CADPS2: variants seen among roughly 807,000 people sequenced by gnomAD.
CADPS2 encodes calcium-dependent secretion activator 2.
In CADPS2, 93 loss-of-function variants were observed where a neutral mutation model predicts 172.5. The ratio of observed to expected loss-of-function variants is 0.54; its 90% CI spans 0.46 to 0.64. The LOEUF (loss-of-function observed/expected upper bound fraction) is 0.64, where lower values mean the gene tolerates loss of function less well. Among genes scored for constraint, CADPS2 ranks in the 30% least tolerant of loss-of-function variants. CADPS2 has a pLI of 0.00. For missense variants in CADPS2, 1,420 were observed against 1,565.9 expected, an observed-to-expected ratio of 0.91 and a Z score of 1.57; for synonymous variants, 546 against 555.2, an observed-to-expected ratio of 0.98 and a Z score of 0.23.
chr7:122,473,304 T>A (rs2056214920), intron 13 of CADPS2, among the ~76,000 whole-genome samples: 1 of 152,138 alleles, frequency 6.6e-6, no homozygotes, highest in Non-Finnish European at 1.5e-5. Flanking sequence ...ACTTTCCTTT[T>A]TCTGTCTATA....
chr7:122,537,415 C>T (rs1192371329), intron 8 of CADPS2, among the ~76,000 whole-genome samples: 1 of 151,082 alleles, frequency 6.6e-6, no homozygotes, highest in Non-Finnish European at 1.5e-5. Context: ...CTTTCTTATG[C>T]TAATAGAGAA....
intron 20 of CADPS2, among the ~76,000 whole-genome samples, chr7:122,400,221 A>G (rs1021705009): frequency 1.3e-4 from 20 of 151,830 alleles, no homozygotes; most frequent in Non-Finnish European, 2.8e-4. Context: ...GGATCACTTG[A>G]GGTCAGGAGT....
intron 6 of CADPS2, among the ~76,000 whole-genome samples, chr7:122,590,030 G>A (rs1260552425): frequency 1.3e-5 from 2 of 151,768 alleles, no homozygotes; most frequent in Admixed American, 6.6e-5. Context: ...TAAGATGTTT[G>A]CACTATGCAA....
chr7:122,823,054 ATAAT>A (rs1179679278), intron 1 of CADPS2, among the ~76,000 whole-genome samples: 1 of 152,184 alleles, frequency 6.6e-6, no homozygotes, highest in Non-Finnish European at 1.5e-5. Context: ...TATTTCTCTG[ATAAT>A]TAGTGATGTT....
chr7:122,688,073 A>G (rs1335369549), intron 2 of CADPS2, among the ~76,000 whole-genome samples: 1 of 152,218 alleles, frequency 6.6e-6, no homozygotes, highest in Non-Finnish European at 1.5e-5. Context: ...GAATGTCATT[A>G]TTATAACATA....
At chr7:122,651,629 A>C (rs2079154385) in intron 3 of CADPS2, among the ~76,000 whole-genome samples, 1 of 152,158 alleles carries the variant, frequency 6.6e-6, no homozygotes, top group African/African-American at 2.4e-5. Context: ...AGACATGAAG[A>C]ATTTGAGTGG....
intron 9 of CADPS2, among the ~76,000 whole-genome samples, chr7:122,495,854 G>A (rs962804593): frequency 2.0e-5 from 3 of 152,006 alleles, no homozygotes; most frequent in African/African-American, 7.3e-5. Context: ...TTTGATGGGT[G>A]GGAAGTGGTA....
At chr7:122,492,697 TTTTTTC>T (rs1285434715) in intron 9 of CADPS2, among the ~76,000 whole-genome samples, 1 of 151,882 alleles carries the variant, frequency 6.6e-6, no homozygotes, top group Non-Finnish European at 1.5e-5. Flanking sequence ...TTAGTGTATT[TTTTTTC>T]TTTTTTTCTT....
At chr7:122,850,911 T>C (rs1813399642) in intron 1 of CADPS2, among the ~76,000 whole-genome samples, 1 of 152,198 alleles carries the variant, frequency 6.6e-6, no homozygotes, top group African/African-American at 2.4e-5. Context: ...TGTTCTCTGT[T>C]CACCCTAGCA....
chr7:122,432,560 G>C (rs1563323441), intron 17 of CADPS2, among the ~76,000 whole-genome samples: 1 of 149,816 alleles, frequency 6.7e-6, no homozygotes, highest in Non-Finnish European at 1.5e-5. Flanking sequence ...AGAACCACTT[G>C]AACTCGGGAG....
chr7:122,706,457 G>T (rs1380437121), intron 2 of CADPS2, among the ~76,000 whole-genome samples: 1 of 143,366 alleles, frequency 7.0e-6, no homozygotes, highest in African/African-American at 2.5e-5. Context: ...TATATTCAAG[G>T]AATATATATA....
chr7:122,503,068 G>A (rs2059342377), intron 9 of CADPS2, among the ~76,000 whole-genome samples: 1 of 139,098 alleles, frequency 7.2e-6, no homozygotes, highest in Admixed American at 7.9e-5. Context: ...GTCTCGCTCT[G>A]TCGCCCAGGC....
intron 1 of CADPS2, among the ~76,000 whole-genome samples, chr7:122,738,445 C>A (rs55807328): frequency 6.6e-6 from 1 of 151,060 alleles, no homozygotes; most frequent in Non-Finnish European, 1.5e-5. Flanking sequence ...ACAACATAGT[C>A]TTGGAGATAA....
At chr7:122,537,516 G>T (rs921758741) in intron 8 of CADPS2, among the ~76,000 whole-genome samples, 1 of 151,092 alleles carries the variant, frequency 6.6e-6, no homozygotes, top group Non-Finnish European at 1.5e-5. Flanking sequence ...AACTGCAAAA[G>T]AATTAGAAAA....
intron 1 of CADPS2, among the ~76,000 whole-genome samples, chr7:122,764,291 T>G (rs2138854013): frequency 6.6e-6 from 1 of 152,276 alleles, no homozygotes; most frequent in African/African-American, 2.4e-5. Context: ...CCTGTCTTAC[T>G]TATTTCCTCT....
At chr7:122,878,639 CAAATAAAT>C (rs59190953) in intron 1 of CADPS2, among the ~76,000 whole-genome samples, 65,493 of 138,672 alleles carry the variant, frequency 0.47, 15,771 homozygotes, top group East Asian at 0.61. Context: ...GACTCTGTCT[CAAATAAAT>C]AAATAAATAA....
At chr7:122,553,724 C>G (rs945266638) in intron 8 of CADPS2, among the ~76,000 whole-genome samples, 1 of 152,126 alleles carries the variant, frequency 6.6e-6, no homozygotes, top group East Asian at 1.9e-4. Context: ...CTGCTTGTTA[C>G]AAGGATGCAC....
At chr7:122,689,452 T>C (rs563824469) in intron 2 of CADPS2, among the ~76,000 whole-genome samples, 2 of 152,340 alleles carry the variant, frequency 1.3e-5, no homozygotes, top group East Asian at 3.9e-4. Context: ...CTGCAAGGGC[T>C]GTAACTTGCA....
At chr7:122,819,196 T>C (rs917484043) in intron 1 of CADPS2, among the ~76,000 whole-genome samples, 14 of 152,216 alleles carry the variant, frequency 9.2e-5, no homozygotes, top group African/African-American at 3.4e-4. Context: ...TTGCTACATG[T>C]GCCAGATATT....
Sources: gnomAD v4.1 joint callset for allele counts (sites outside exome capture counted in the v4.1 genomes callset) on GRCh38, gnomAD v4.1.1 for gene constraint, MANE v1.5 for transcripts, NCBI Gene and HGNC (gene_info 2026-07-23, HGNC 2026-07-21) for gene names.